Variants in CCDC85C observed in about 807,000 individuals in gnomAD.
CCDC85C encodes the protein coiled-coil domain-containing protein 85C.
Under a neutral mutation model 38.3 loss-of-function variants are expected in CCDC85C, and 18 were observed. That is an observed-to-expected ratio of 0.47 (90% confidence interval 0.33 to 0.70). The LOEUF (loss-of-function observed/expected upper bound fraction) is 0.70, where lower values mean the gene tolerates loss of function less well. Among genes scored for constraint, CCDC85C ranks in the 30% least tolerant of loss-of-function variants. The probability of loss-of-function intolerance (pLI) is 0.03; values close to 1 mark genes in which losing one functional copy is unlikely to be tolerated. For synonymous variants in CCDC85C, 264 were observed against 293.8 expected (o/e 0.90, Z 1.04); for missense variants, 566 against 621.2 (o/e 0.91, Z 0.94).
At chr14:99,551,619 G>A (rs1666203905) in intron 1 of CCDC85C, among the ~76,000 whole-genome samples, 1 of 149,154 alleles carries the variant, frequency 6.7e-6, no homozygotes, top group Non-Finnish European at 1.5e-5. Context: ...TGGGTGAGCA[G>A]TTGAGTGTGC....
rs183134096 is a variant in CCDC85C, at chr14:99,505,441, C to T, written c.*9805G>A. 27 of 152,332 alleles carry T rather than the reference C, an allele frequency of 1.8e-4. No homozygotes were observed. The highest frequency in any genetic ancestry group is 1.2e-3 in the Admixed American group (18 of 15,302). 9.4% of individuals were successfully genotyped at this position (152,332 alleles called of 1,614,324 possible). On this transcript the variant is annotated 3_prime_UTR_variant, in exon 6 of 6. Coordinates refer to ENST00000380243, the MANE Select transcript of CCDC85C (RefSeq NM_001144995.2). ...ATTTCCAAGAAAGGAGAACGTAAGA[C>T]ATCTCATTAGTAAAGCTTTATATTG...
At position 99,510,799 on chromosome 14, in the gene CCDC85C, CT is replaced by C; in HGVS notation, c.*4446del. 2.1e-6 allele frequency: 3 copies of C among 1,414,160 alleles called. No homozygotes were observed. The highest frequency in any genetic ancestry group is 2.8e-6 in the Non-Finnish European group (3 of 1,083,768). 87.6% of individuals were successfully genotyped at this position (1,414,160 alleles called of 1,614,324 possible). ...ATGAGATAACGTGAGCCTTTTTTCCCTCTTTGTTTTTTTAACAAGATTTTCT... is the reference window on the plus strand; with the variant it reads ...ATGAGATAACGTGAGCCTTTTTTCCCCTTTGTTTTTTTAACAAGATTTTCT... On this transcript the variant is annotated 3_prime_UTR_variant, in exon 6 of 6. Coordinates refer to ENST00000380243, the MANE Select transcript of CCDC85C (RefSeq NM_001144995.2).
At chr14:99,524,616 A>C (rs1897349240) in intron 2 of CCDC85C, among the ~76,000 whole-genome samples, 1 of 152,246 alleles carries the variant, frequency 6.6e-6, no homozygotes, top group African/African-American at 2.4e-5. Context: ...ATTAAGGGGC[A>C]ATGTGACTAA....
chr14:99,571,715 G>A (rs1025614849), intron 1 of CCDC85C, among the ~76,000 whole-genome samples: 2 of 152,376 alleles, frequency 1.3e-5, no homozygotes, highest in East Asian at 1.9e-4. Flanking sequence ...CTGGGAAATG[G>A]AATCACATGC....
At chr14:99,559,849 C>T (rs569765283) in intron 1 of CCDC85C, among the ~76,000 whole-genome samples, 173 of 152,096 alleles carry the variant, frequency 1.1e-3, no homozygotes, top group Non-Finnish European at 2.1e-3. Context: ...GGGCCCGCAG[C>T]CAGCACACCC....
At chr14:99,547,271 A>T (rs1448301401) in intron 1 of CCDC85C, among the ~76,000 whole-genome samples, 1 of 152,174 alleles carries the variant, frequency 6.6e-6, no homozygotes, top group Non-Finnish European at 1.5e-5. Context: ...GACACCAAAG[A>T]TCGTATACTG....
At chr14:99,585,363 C>T (rs1465133519) in intron 1 of CCDC85C, among the ~76,000 whole-genome samples, 2 of 152,080 alleles carry the variant, frequency 1.3e-5, no homozygotes, top group Non-Finnish European at 2.9e-5. Flanking sequence ...GTGGTGTGGG[C>T]AGGTGTCAGG....
intron 2 of CCDC85C, among the ~76,000 whole-genome samples, chr14:99,529,592 C>T (rs745371176): frequency 1.8e-4 from 27 of 152,090 alleles, no homozygotes; most frequent in Non-Finnish European, 3.4e-4. Flanking sequence ...TTAGTAGAGA[C>T]GAGGTTTCAC....
chr14:99,528,012 C>T (rs866533541), intron 2 of CCDC85C, among the ~76,000 whole-genome samples: 7 of 152,162 alleles, frequency 4.6e-5, no homozygotes, highest in African/African-American at 1.7e-4. Context: ...GAAGTTTCGC[C>T]AGTAATGCCA....
intron 1 of CCDC85C, among the ~76,000 whole-genome samples, chr14:99,596,289 T>C (rs2055142423): frequency 6.6e-6 from 1 of 152,032 alleles, no homozygotes; most frequent in Non-Finnish European, 1.5e-5. Context: ...ATATTACAAC[T>C]GGGAAGGGAA....
At position 99,525,842 on chromosome 14, in the gene CCDC85C, C is replaced by T. The variant is rs541617603; in HGVS notation, c.868-3602G>A. ...GGGGCCACCTGGCGCGACTCTGGAC[C>T]GGTGTCTCAGTGCTCGGTGCAGGGA... On this transcript the variant is annotated intron_variant, in intron 2 of 5. Transcript: ENST00000380243. Among the ~76,000 whole-genome samples the T allele has an allele frequency of 3.0e-4, 45 of 152,296 alleles. 1 individual carries two copies. Among genetic ancestry groups the T allele is most frequent in the African/African-American group, 9.6e-4 (40 of 41,570 alleles).
At chr14:99,531,213 G>A (rs896734586) in intron 2 of CCDC85C, among the ~76,000 whole-genome samples, 2 of 152,118 alleles carry the variant, frequency 1.3e-5, no homozygotes, top group Admixed American at 1.3e-4. Flanking sequence ...CCCCAGCCTC[G>A]CTCCCCAAGC....
intron 1 of CCDC85C, among the ~76,000 whole-genome samples, chr14:99,597,299 C>T (rs537906954): frequency 6.6e-6 from 1 of 152,344 alleles, no homozygotes; most frequent in South Asian, 2.1e-4. Flanking sequence ...CAAATTACCA[C>T]CTGTGAGGTC....
chr14:99,570,511 C>A (rs2400747), intron 1 of CCDC85C, among the ~76,000 whole-genome samples: 2 of 151,970 alleles, frequency 1.3e-5, no homozygotes, highest in Admixed American at 6.5e-5. Context: ...AGAGCCCAGA[C>A]GGCAGGGGCT....
rs911397669 is a variant in CCDC85C, at chr14:99,503,191, C to T, written c.*12055G>A. On this transcript the variant is annotated 3_prime_UTR_variant, in exon 6 of 6. Coordinates refer to ENST00000380243, the MANE Select transcript of CCDC85C (RefSeq NM_001144995.2). ...TGCCTCTGAGAACCAGGAGGGGGCT[C>T]TCTGCCCGGCTCCAGCCCTGCTGCC... 4 of 707,374 alleles carry T rather than the reference C, an allele frequency of 5.7e-6. No individual in the cohort carries two copies. The highest frequency in any genetic ancestry group is 3.5e-5 in the African/African-American group (2 of 57,318). 43.8% of individuals were successfully genotyped at this position (707,374 alleles called of 1,614,324 possible).
At chr14:99,587,755 A>G (rs1180364924) in intron 1 of CCDC85C, among the ~76,000 whole-genome samples, 3 of 152,126 alleles carry the variant, frequency 2.0e-5, no homozygotes, top group Non-Finnish European at 4.4e-5. Flanking sequence ...CATGCGCCTG[A>G]GGACCCCTGT....
At position 99,578,612 on chromosome 14, in the gene CCDC85C, C is replaced by G. The variant is rs149772845; in HGVS notation, c.793+24555G>C. 6.4e-3 allele frequency among the ~76,000 whole-genome samples: 974 copies of G among 152,332 alleles called. 18 individuals carry two copies. The highest frequency in any genetic ancestry group is 0.023 in the African/African-American group (945 of 41,566). ...GTGAGCCTCCACAGCCTGCACCCTC[C>G]TCTTGGTCATGTTCAATGATTTAAA... is the stretch of plus-strand genomic sequence containing the variant. On this transcript the variant is annotated intron_variant, in intron 1 of 5. Transcript: ENST00000380243.
Position 99,569,717 on chromosome 14 carries a change from C to T in CCDC85C, c.793+33450G>A, listed in dbSNP as rs1021845808. On this transcript the variant is annotated intron_variant, in intron 1 of 5. Transcript: ENST00000380243. This position sits in a 1 kb window ranked among gnomAD's most constrained non-coding sequence, Gnocchi z 4.3. ...CTAGTTCTTTGCACCTCTGCTTCCC[C>T]CCAACATGTCACACACCCCACATTT... 3.3e-5 allele frequency among the ~76,000 whole-genome samples: 5 copies of T among 152,202 alleles called. No individual in the cohort carries two copies. Among genetic ancestry groups the T allele is most frequent in the Non-Finnish European group, 5.9e-5 (4 of 68,034 alleles).
At chr14:99,554,802 GT>G (rs1359281742) in intron 1 of CCDC85C, among the ~76,000 whole-genome samples, 1 of 152,240 alleles carries the variant, frequency 6.6e-6, no homozygotes, top group Non-Finnish European at 1.5e-5. Flanking sequence ...GTGGAGTAGA[GT>G]TCATGACTCC....
Sources: gnomAD v4.1 joint callset for allele counts (sites outside exome capture counted in the v4.1 genomes callset) on GRCh38, gnomAD v4.1.1 for gene constraint, Gnocchi (gnomAD v3.1) non-coding constraint, MANE v1.5 for transcripts, NCBI Gene and HGNC (gene_info 2026-07-23, HGNC 2026-07-21) for gene names.